The following ENAH variants were observed in gnomAD, a reference collection of about 807,000 sequenced individuals.
ENAH encodes ENAH actin regulator.
In ENAH, 23 loss-of-function variants were observed where a neutral mutation model predicts 78.7. The observed-to-expected ratio is 0.29, with a 90% CI of 0.21 to 0.41. The LOEUF (loss-of-function observed/expected upper bound fraction) is 0.41. Ranked by LOEUF, ENAH falls within the 10% of genes least tolerant of loss-of-function variation. The pLI is 1.00. For missense variants in ENAH, 544 were observed against 691.0 expected (o/e 0.79, Z 2.39); for synonymous variants, 226 against 241.0 (o/e 0.94, Z 0.58).
intron 1 of ENAH, among the ~76,000 whole-genome samples, chr1:225,575,414 C>T (rs897733082): frequency 2.6e-5 from 4 of 152,204 alleles, no homozygotes; most frequent in African/African-American, 9.7e-5. Context: ...TCAGGATAAA[C>T]TCTGGCTTCA....
intron 3 of ENAH, among the ~76,000 whole-genome samples, chr1:225,540,871 G>A (rs1284249077): frequency 6.6e-6 from 1 of 152,036 alleles, no homozygotes; most frequent in Non-Finnish European, 1.5e-5. Context: ...ATAAATACAT[G>A]TTTTTTAACT....
intron 1 of ENAH, among the ~76,000 whole-genome samples, chr1:225,596,825 T>C (rs191460978): frequency 3.3e-5 from 5 of 152,388 alleles, no homozygotes; most frequent in Non-Finnish European, 5.9e-5. Context: ...CTACTGTTTA[T>C]CTGCAGTTGG....
chr1:225,584,511 G>A (rs1025319942), intron 1 of ENAH, among the ~76,000 whole-genome samples: 1 of 151,950 alleles, frequency 6.6e-6, no homozygotes, highest in Non-Finnish European at 1.5e-5. Flanking sequence ...GAAAACAGAA[G>A]GGACAAACAG....
intron 2 of ENAH, among the ~76,000 whole-genome samples, chr1:225,563,291 T>C (rs1244288744): frequency 6.6e-6 from 1 of 152,174 alleles, no homozygotes. Flanking sequence ...TTAAACTTTG[T>C]ATGGCTAGGT....
At chr1:225,603,578 G>A (rs921309913) in intron 1 of ENAH, among the ~76,000 whole-genome samples, 1 of 152,078 alleles carries the variant, frequency 6.6e-6, no homozygotes. Flanking sequence ...ATTTCAAAAA[G>A]GAAAGGAACT....
chr1:225,646,237 C>T lies in ENAH; in HGVS notation c.5+6449G>A, dbSNP rs1333547143. Among the ~76,000 whole-genome samples, 3 of 151,962 alleles carry T rather than the reference C, an allele frequency of 2.0e-5. No homozygotes were observed. The East Asian group carries it at 5.8e-4, about 29-fold the overall frequency. On this transcript the variant is annotated intron_variant, in intron 1 of 13. Transcript: ENST00000366843. ...TTCCCCTAAAATTTATATGTTAATACCCTAACCCTCAATGTGACTCTATTT... is the reference window on the plus strand; with the variant it reads ...TTCCCCTAAAATTTATATGTTAATATCCTAACCCTCAATGTGACTCTATTT...
At chr1:225,507,907 T>C (rs1056291384) in intron 11 of ENAH, 44 bp downstream of exon 11, 3 of 1,385,298 alleles carry the variant, frequency 2.2e-6, no homozygotes. Flanking sequence ...ATTAATTTTT[T>C]TTTATACAAA....
At chr1:225,556,622 C>A (rs965253368) in intron 2 of ENAH, among the ~76,000 whole-genome samples, 1 of 152,068 alleles carries the variant, frequency 6.6e-6, no homozygotes, top group African/African-American at 2.4e-5. Context: ...ATATCTTATG[C>A]CATTCTATGA....
At chr1:225,625,541 A>C (rs1019723676) in intron 1 of ENAH, among the ~76,000 whole-genome samples, 4 of 152,122 alleles carry the variant, frequency 2.6e-5, no homozygotes, top group African/African-American at 9.7e-5. Context: ...TTATTTTTTG[A>C]GATGGAATTT....
At position 225,621,296 on chromosome 1, in the gene ENAH, CTTT is replaced by C. The variant is rs757480714; in HGVS notation, c.5+31387_5+31389del. 2.8e-5 allele frequency among the ~76,000 whole-genome samples: 4 copies of C among 142,746 alleles called. No homozygotes were observed. The South Asian group carries it at 6.8e-4, about 24-fold the overall frequency. The allele number at this position is 142,746 out of a possible 152,430, so 93.6% of individuals were successfully genotyped here. On this transcript the variant is annotated intron_variant, in intron 1 of 13. Coordinates refer to ENST00000366843, the MANE Select transcript of ENAH (RefSeq NM_018212.6). ...GAATTACTTCTTTAAATCTATCTCT[CTTT>C]TTTTTTTTTTTGAGACGCAGTCTCG...
intron 1 of ENAH, chr1:225,580,034 T>G (rs2096807690): frequency 6.6e-6 from 1 of 152,150 alleles, no homozygotes. Flanking sequence ...TGGTTCCTAC[T>G]CTAAGTATAC....
intron 1 of ENAH, among the ~76,000 whole-genome samples, chr1:225,602,442 T>A (rs2096935645): frequency 6.6e-6 from 1 of 152,264 alleles, no homozygotes; most frequent in South Asian, 2.1e-4. Flanking sequence ...AATAAAATAC[T>A]GACTAATCAA....
At position 225,529,401 on chromosome 1, in the gene ENAH, C is replaced by A. The variant is rs377101786; in HGVS notation, c.434+1153G>T. ...TTCTTTTCATCTCAATGAGATCTACCCTGACCACTCTATTTAAACTCACAA... is the reference window on the plus strand; with the variant it reads ...TTCTTTTCATCTCAATGAGATCTACACTGACCACTCTATTTAAACTCACAA... On this transcript the variant is annotated intron_variant, in intron 4 of 13. Transcript: ENST00000366843. Among the ~76,000 whole-genome samples, 12 of 149,496 alleles carry A rather than the reference C, an allele frequency of 8.0e-5. 1 individual carries two copies. Among genetic ancestry groups the A allele is most frequent in the East Asian group, 6.0e-4 (3 of 5,034 alleles).
At chr1:225,652,425 A>AG (rs772265187) in intron 1 of ENAH, 1 of 985,216 alleles carries the variant, frequency 1.0e-6, no homozygotes, top group Non-Finnish European at 1.2e-6. Context: ...AAATTTAGGA[A>AG]GGGAAATCCT....
chr1:225,539,062 T>A (rs2096576417), intron 3 of ENAH, among the ~76,000 whole-genome samples: 1 of 152,244 alleles, frequency 6.6e-6, no homozygotes, highest in Non-Finnish European at 1.5e-5. Flanking sequence ...AATGCTACTT[T>A]AACACAATTA....
intron 11 of ENAH, chr1:225,505,032 ATTTTTCCTTG>A (rs1470644256): frequency 2.5e-6 from 4 of 1,612,472 alleles, no homozygotes; most frequent in Non-Finnish European, 3.4e-6. Flanking sequence ...AAACAATCTG[ATTTTTCCTTG>A]GAGAATCCCG....
At chr1:225,556,333 C>T (rs1253804756) in intron 2 of ENAH, among the ~76,000 whole-genome samples, 2 of 152,200 alleles carry the variant, frequency 1.3e-5, no homozygotes, top group Non-Finnish European at 1.5e-5. Flanking sequence ...CAAGAGTATA[C>T]AAGAGCTTGT....
chr1:225,519,296 A>G lies in ENAH; in HGVS notation c.704T>C (p.Leu235Pro), dbSNP rs1558743310. The G allele has an allele frequency of 1.2e-6, 2 of 1,613,550 alleles. No individual in the cohort carries two copies. The highest frequency in any genetic ancestry group is 8.5e-7 in the Non-Finnish European group (1 of 1,179,890). Residue 235 changes from leucine to proline, a missense_variant, in exon 5 of 14, where the codon CTG becomes CCG. Leu to Pro is a moderately conservative substitution (Grantham distance 98). Transcript: ENST00000366843. ...TTGCCTCTCCCGTTCCAGTCTCTCC[A>G]GCCTCTCTCGTTCTTGTCTTTCTTG... Reference protein sequence around the residue: ...ERQERQERERLERLERERQER... With the variant: ...ERQERQERERPERLERERQER...
intron 1 of ENAH, chr1:225,581,261 T>C (rs538031874): frequency 8.2e-5 from 81 of 983,984 alleles, no homozygotes; most frequent in Non-Finnish European, 9.3e-5. Context: ...CTGTTTCCTG[T>C]AGTTCTTCTT....
Sources: allele counts gnomAD v4.1 joint callset (sites outside exome capture counted in the v4.1 genomes callset), GRCh38; gene constraint gnomAD v4.1.1; transcripts MANE v1.5; gene names NCBI Gene and HGNC (gene_info 2026-07-23, HGNC 2026-07-21).